Variants in DISC1 observed in about 807,000 individuals in gnomAD.
DISC1 encodes the protein disrupted in schizophrenia 1 protein.
DISC1 carries 57 observed loss-of-function variants against 84.5 expected under a neutral mutation model. That is an observed-to-expected ratio of 0.67 (90% CI 0.55 to 0.84). The LOEUF is 0.84. Ranked by LOEUF, DISC1 falls within the 40% of genes least tolerant of loss-of-function variation. The pLI, the probability that DISC1 is intolerant of heterozygous loss-of-function variation, is 0.00. For missense variants in DISC1, 1,000 were observed against 1,057.8 expected (o/e 0.95, Z 0.76); for synonymous variants, 411 against 415.2 (o/e 0.99, Z 0.12).
At chr1:231,944,728 T>G (rs1005944035) in intron 9 of DISC1, among the ~76,000 whole-genome samples, 3 of 152,178 alleles carry the variant, frequency 2.0e-5, no homozygotes, top group African/African-American at 7.2e-5. Flanking sequence ...GGCCATACTG[T>G]GCACACTCAG....
chr1:231,835,889 T>C (rs1037424305), intron 9 of DISC1, among the ~76,000 whole-genome samples: 1 of 152,196 alleles, frequency 6.6e-6, no homozygotes, highest in African/African-American at 2.4e-5. Context: ...AGGGTGCAAA[T>C]GATGTACTAA....
chr1:231,751,983 G>A (rs370293953), intron 4 of DISC1, among the ~76,000 whole-genome samples: 7 of 152,254 alleles, frequency 4.6e-5, no homozygotes, highest in Admixed American at 3.3e-4. Context: ...TTAGGATGAG[G>A]AAACCAGGCC....
chr1:231,818,845 C>A lies in DISC1; in HGVS notation c.1981+328C>A, dbSNP rs199603966. 1.3e-4 allele frequency: 145 copies of A among 1,129,780 alleles called. 1 individual carries two copies. The highest frequency in any genetic ancestry group is 1.5e-4 in the Non-Finnish European group (136 of 918,696). 70.0% of individuals were successfully genotyped at this position (1,129,780 alleles called of 1,614,324 possible). A position where few individuals can be genotyped will look rare whatever the true frequency, so the allele number is the denominator to read the frequency against. ...TTTTCTTTGTGTGACAATTATCTTC[C>A]TTTTGTCCCTTGGCTCCGTCTCCTT... On this transcript the variant is annotated intron_variant, in intron 9 of 12. Coordinates refer to ENST00000439617, the MANE Select transcript of DISC1 (RefSeq NM_018662.3).
chr1:231,947,913 A>G (rs1392860464), intron 9 of DISC1, among the ~76,000 whole-genome samples: 1 of 152,238 alleles, frequency 6.6e-6, no homozygotes, highest in Non-Finnish European at 1.5e-5. Context: ...ATGAGATACC[A>G]TCTCATGCCA....
At chr1:231,763,497 C>T (rs2075939511) in intron 4 of DISC1, among the ~76,000 whole-genome samples, 1 of 152,124 alleles carries the variant, frequency 6.6e-6, no homozygotes, top group Non-Finnish European at 1.5e-5. Context: ...TAAGATTATT[C>T]AGAGAATCCG....
chr1:231,694,163 G>T lies in DISC1; in HGVS notation c.405G>T (p.Pro135=). Residue 135 remains proline (P), a synonymous_variant, in exon 2 of 13, where the codon CCG becomes CCT. Transcript: ENST00000439617. ...GTRLPDRLSW[P]CGPGSAGWQQ... ...GATTGCCTGACAGGCTTAGCTGGCC[G>T]TGTGGCCCTGGGAGTGCTGGGTGGC... The T allele has an allele frequency of 3.1e-6, 5 of 1,614,204 alleles. No individual in the cohort carries two copies. The highest frequency in any genetic ancestry group is 1.6e-4 in the Middle Eastern group (1 of 6,062).
chr1:231,690,683 T>TA (rs1558337980), intron 1 of DISC1, among the ~76,000 whole-genome samples: 1 of 152,074 alleles, frequency 6.6e-6, no homozygotes, highest in East Asian at 1.9e-4. Context: ...AGGAAAAAAA[T>TA]AGTGAGAAAA....
At chr1:231,916,504 A>G (rs1395596174) in intron 9 of DISC1, among the ~76,000 whole-genome samples, 1 of 151,504 alleles carries the variant, frequency 6.6e-6, no homozygotes, top group Non-Finnish European at 1.5e-5. Flanking sequence ...AATACAAAAA[A>G]ATTAGCCGGG....
At chr1:231,918,788 C>T (rs1228875589) in intron 9 of DISC1, among the ~76,000 whole-genome samples, 1 of 152,098 alleles carries the variant, frequency 6.6e-6, no homozygotes, top group Non-Finnish European at 1.5e-5. Context: ...AAGGAAGGAA[C>T]GTGAGGGAAG....
chr1:232,033,463 A>G (rs1162877314), intron 12 of DISC1, among the ~76,000 whole-genome samples: 2 of 152,266 alleles, frequency 1.3e-5, no homozygotes, highest in Non-Finnish European at 2.9e-5. Context: ...CAGCAGCCAA[A>G]CTGACGATGT....
At chr1:231,934,800 G>C (rs2090879837) in intron 9 of DISC1, among the ~76,000 whole-genome samples, 1 of 152,134 alleles carries the variant, frequency 6.6e-6, no homozygotes, top group African/African-American at 2.4e-5. Context: ...TAACCCAAAG[G>C]TTACTGGTGG....
At chr1:231,799,344 C>T (rs2079004038) in intron 7 of DISC1, among the ~76,000 whole-genome samples, 1 of 152,110 alleles carries the variant, frequency 6.6e-6, no homozygotes, top group South Asian at 2.1e-4. Flanking sequence ...TAGCTTGCAG[C>T]TTTGACCTTC....
chr1:232,023,832 T>A (rs1669188309), intron 11 of DISC1, among the ~76,000 whole-genome samples: 2 of 152,190 alleles, frequency 1.3e-5, no homozygotes, highest in Non-Finnish European at 2.9e-5. Context: ...ACACTGTATG[T>A]TTCTCCTTCC....
At chr1:231,781,172 A>AG (rs1341166367) in intron 6 of DISC1, among the ~76,000 whole-genome samples, 3 of 135,764 alleles carry the variant, frequency 2.2e-5, no homozygotes, top group African/African-American at 8.2e-5. Context: ...AAAAAAAAAA[A>AG]AAAAGAAATG....
intron 10 of DISC1, among the ~76,000 whole-genome samples, chr1:231,961,097 G>A (rs1333865576): frequency 6.6e-6 from 1 of 152,222 alleles, no homozygotes; most frequent in African/African-American, 2.4e-5. Context: ...TCAGCTATCT[G>A]GAAGCTCTCT....
rs868470396 is a variant in DISC1 at position 231,781,016 on chromosome 1, G to T, written c.1634+9946G>T. ...CACACTCTGGGGACTGTTGTGGGGTGGGGGGAGGGGGGAGGGATAGCATCT... is the reference window on the plus strand; with the variant it reads ...CACACTCTGGGGACTGTTGTGGGGTTGGGGGAGGGGGGAGGGATAGCATCT... On this transcript the variant is annotated intron_variant, in intron 6 of 12. Transcript: ENST00000439617. Among the ~76,000 whole-genome samples, 308 of 106,572 alleles carry T rather than the reference G, an allele frequency of 2.9e-3. 3 individuals carry two copies. The highest frequency in any genetic ancestry group is 0.019 in the Middle Eastern group (3 of 160). The allele number at this position is 106,572 out of a possible 152,430, so 69.9% of individuals were successfully genotyped here. A position where few individuals can be genotyped will look rare whatever the true frequency, so the allele number is the denominator to read the frequency against.
chr1:231,866,553 C>T, intron 9 of DISC1: 1 of 942,810 alleles, frequency 1.1e-6, no homozygotes, highest in Non-Finnish European at 1.8e-6. Flanking sequence ...GAGTCCTGGA[C>T]ACAGAGAAGT....
chr1:231,832,862 A>G (rs1276393110), intron 9 of DISC1, among the ~76,000 whole-genome samples: 2 of 146,200 alleles, frequency 1.4e-5, no homozygotes, highest in Admixed American at 6.9e-5. Flanking sequence ...GGGAATTATA[A>G]GGAGAGTTTA....
chr1:231,708,891 TA>T (rs1251740909), intron 3 of DISC1, among the ~76,000 whole-genome samples: 1 of 152,218 alleles, frequency 6.6e-6, no homozygotes, highest in East Asian at 1.9e-4. Flanking sequence ...TCTAAAAAAT[TA>T]GTCTATTTTT....
Sources: gnomAD v4.1 joint callset for allele counts (sites outside exome capture counted in the v4.1 genomes callset) on GRCh38, gnomAD v4.1.1 for gene constraint, MANE v1.5 for transcripts, NCBI Gene and HGNC (gene_info 2026-07-23, HGNC 2026-07-21) for gene names.